Variants in PDE4D observed in about 807,000 individuals in gnomAD.
PDE4D encodes 3',5'-cyclic-AMP phosphodiesterase 4D.
In PDE4D, 24 loss-of-function variants were observed where a neutral mutation model predicts 87.4. The observed-to-expected ratio is 0.27, with a 90% confidence interval of 0.20 to 0.39. The LOEUF (loss-of-function observed/expected upper bound fraction) is 0.39, where lower values mean the gene tolerates loss of function less well. Ranked by LOEUF, PDE4D falls within the 10% of genes least tolerant of loss-of-function variation. The pLI, the probability that PDE4D is intolerant of heterozygous loss-of-function variation, is 1.00. For missense variants in PDE4D, 714 were observed against 1,041.0 expected (o/e 0.69, Z 4.32); for synonymous variants, 384 against 383.2 (o/e 1.00, Z -0.02).
Position 59,332,525 on chromosome 5 carries a change from GTTC to G in PDE4D, c.456-116560_456-116558del, listed in dbSNP as rs148826678. ...TCTGTATTTGATATAAAAAATCTTAGTTCTTCTCCATTTTCCTGTCCTTAAGAC... is the reference window on the plus strand; with the variant it reads ...TCTGTATTTGATATAAAAAATCTTAGTTCTCCATTTTCCTGTCCTTAAGAC... On this transcript the variant is annotated intron_variant, in intron 1 of 14. Transcript: ENST00000340635. Among the ~76,000 whole-genome samples the G allele has an allele frequency of 2.0e-3, 305 of 152,206 alleles. 2 individuals are homozygous for G. Among genetic ancestry groups the G allele is most frequent in the African/African-American group, 6.8e-3 (283 of 41,538 alleles).
intron 6 of PDE4D, chr5:59,000,005 T>C (rs1326357887): frequency 2.7e-6 from 2 of 729,308 alleles, no homozygotes; most frequent in East Asian, 2.6e-4. Flanking sequence ...GCATTCCAGC[T>C]CTTAGCCTAT....
intron 1 of PDE4D, among the ~76,000 whole-genome samples, chr5:59,799,911 A>T (rs1228374741): frequency 6.6e-6 from 1 of 152,210 alleles, no homozygotes; most frequent in African/African-American, 2.4e-5. Context: ...TTGTCCTTGT[A>T]CTTCCCTAGA....
At chr5:60,430,695 C>T (rs977262772) in intron 1 of PDE4D, 6 of 261,574 alleles carry the variant, frequency 2.3e-5, no homozygotes, top group Admixed American at 5.0e-5. Context: ...TGCGGCCTTC[C>T]GCAGTGTTTG....
intron 1 of PDE4D, among the ~76,000 whole-genome samples, chr5:59,785,140 C>T (rs1346938819): frequency 6.6e-6 from 1 of 152,128 alleles, no homozygotes; most frequent in Non-Finnish European, 1.5e-5. Context: ...GGCCTCAAAA[C>T]TGACATGATT....
chr5:59,156,320 A>ATATATATATATATATATATATAT (rs1554082852), intron 5 of PDE4D, among the ~76,000 whole-genome samples: 1 of 81,766 alleles, frequency 1.2e-5, no homozygotes, highest in African/African-American at 5.1e-5. Context: ...AAAAAAAAAA[A>ATATATATATATATATATATATAT]ATATATATAT....
chr5:59,072,248 G>A (rs1580651442), intron 5 of PDE4D, among the ~76,000 whole-genome samples: 3 of 152,210 alleles, frequency 2.0e-5, no homozygotes, highest in Admixed American at 6.5e-5. Context: ...TTCTCCAAAG[G>A]TTATATCAAT....
chr5:59,539,015 C>T (rs1815795217), intron 1 of PDE4D, among the ~76,000 whole-genome samples: 1 of 152,150 alleles, frequency 6.6e-6, no homozygotes, highest in South Asian at 2.1e-4. Context: ...TCACCCAGTC[C>T]TAAAATCAAG....
intron 5 of PDE4D, among the ~76,000 whole-genome samples, chr5:59,142,816 C>T (rs1286272396): frequency 3.3e-5 from 5 of 152,150 alleles, no homozygotes; most frequent in African/African-American, 1.2e-4. Flanking sequence ...ACTCGGGAGG[C>T]TGAGGCAGGA....
intron 1 of PDE4D, among the ~76,000 whole-genome samples, chr5:59,414,474 T>C (rs1793250523): frequency 2.0e-5 from 3 of 152,160 alleles, no homozygotes; most frequent in Admixed American, 2.0e-4. Context: ...GAGGAGAGGA[T>C]GCGAGCCAAG....
chr5:59,720,311 G>A (rs191934210), intron 1 of PDE4D, among the ~76,000 whole-genome samples: 2 of 152,156 alleles, frequency 1.3e-5, no homozygotes, highest in African/African-American at 4.8e-5. Flanking sequence ...GTGCTATCAT[G>A]CCAGGCTAAT....
chr5:59,398,003 C>A (rs1789816419), intron 1 of PDE4D, among the ~76,000 whole-genome samples: 1 of 121,056 alleles, frequency 8.3e-6, no homozygotes, highest in African/African-American at 3.3e-5. Context: ...AATTCCTTGA[C>A]ACATACACCC....
At chr5:59,177,230 A>T (rs1477631966) in intron 5 of PDE4D, among the ~76,000 whole-genome samples, 1 of 152,132 alleles carries the variant, frequency 6.6e-6, no homozygotes, top group East Asian at 1.9e-4. Flanking sequence ...AACCTAGAAG[A>T]AGACTCTCAC....
intron 2 of PDE4D, among the ~76,000 whole-genome samples, chr5:60,090,977 A>C (rs1405604477): frequency 6.6e-6 from 1 of 152,202 alleles, no homozygotes; most frequent in African/African-American, 2.4e-5. Flanking sequence ...TAACCAAACA[A>C]GTGAATGACC....
chr5:59,051,413 T>G (rs1761534616), intron 5 of PDE4D, among the ~76,000 whole-genome samples: 1 of 152,156 alleles, frequency 6.6e-6, no homozygotes, highest in Non-Finnish European at 1.5e-5. Context: ...CACCAAATCA[T>G]GAAAAGTCAA....
At chr5:60,332,169 GA>G (rs1757358378) in intron 1 of PDE4D, among the ~76,000 whole-genome samples, 1 of 152,136 alleles carries the variant, frequency 6.6e-6, no homozygotes, top group African/African-American at 2.4e-5. Flanking sequence ...TCCAAACATT[GA>G]ATTTTTTTTA....
intron 5 of PDE4D, among the ~76,000 whole-genome samples, chr5:59,161,311 C>T (rs917703289): frequency 6.6e-6 from 1 of 152,118 alleles, no homozygotes; most frequent in African/African-American, 2.4e-5. Flanking sequence ...TCAATCAATA[C>T]ATGTAAGATT....
At chr5:60,072,285 T>C (rs2152896927) in intron 2 of PDE4D, among the ~76,000 whole-genome samples, 1 of 152,332 alleles carries the variant, frequency 6.6e-6, no homozygotes, top group East Asian at 1.9e-4. Flanking sequence ...TGAGTTTTTT[T>C]CATATGCTTG....
Position 59,193,509 on chromosome 5 carries a change from T to C in PDE4D, c.675A>G (p.Pro225=). 1.2e-6 allele frequency: 2 copies of C among 1,613,724 alleles called. No individual in the cohort carries two copies. The highest frequency in any genetic ancestry group is 1.7e-6 in the Non-Finnish European group (2 of 1,179,770). Residue 225 remains proline, a synonymous_variant, in exon 3 of 15, where the codon CCA becomes CCG. Coordinates refer to ENST00000340635, the MANE Select transcript of PDE4D (RefSeq NM_001104631.2). ...DIHGDDLIVT[P]FAQVLASLRT... ...ACCAAGCTGTGCTTACCTGAGCAAA[T>C]GGAGTCACAATCAAGTCATCTCCGT...
intron 2 of PDE4D, among the ~76,000 whole-genome samples, chr5:60,113,987 G>C (rs1031400280): frequency 3.3e-5 from 5 of 152,110 alleles, no homozygotes; most frequent in Non-Finnish European, 7.4e-5. Context: ...ATATTTACTG[G>C]AATGTAGAGT....
Sources: gnomAD v4.1 joint callset for allele counts (sites outside exome capture counted in the v4.1 genomes callset) on GRCh38, gnomAD v4.1.1 for gene constraint, MANE v1.5 for transcripts, NCBI Gene and HGNC (gene_info 2026-07-23, HGNC 2026-07-21) for gene names.